Variants in NWD1 observed in about 807,000 individuals in gnomAD.
NWD1 encodes NACHT and WD repeat domain containing 1, also known as NACHT domain- and WD repeat-containing protein 1.
NWD1 carries 129 observed loss-of-function variants against 135.1 expected under a neutral mutation model. The observed-to-expected ratio is 0.96, with a 90% CI of 0.83 to 1.11. The LOEUF is 1.11. NWD1 is among the 50% of genes least tolerant of loss of function. The probability of loss-of-function intolerance (pLI) is 0.00; values close to 1 mark genes in which losing one functional copy is unlikely to be tolerated. For synonymous variants in NWD1, 773 were observed against 786.0 expected, an observed-to-expected ratio of 0.98 and a Z score of 0.28; for missense variants, 1,740 against 1,851.3, an observed-to-expected ratio of 0.94 and a Z score of 1.10.
chr19:16,795,578 C>T (rs925365146), intron 15 of NWD1, among the ~76,000 whole-genome samples: 9 of 151,758 alleles, frequency 5.9e-5, no homozygotes, highest in African/African-American at 1.5e-4. Context: ...TACCACGTCC[C>T]GCTAATTTTT....
chr19:16,780,222 C>A (rs1969808182), intron 12 of NWD1, among the ~76,000 whole-genome samples: 3 of 150,750 alleles, frequency 2.0e-5, no homozygotes, highest in Non-Finnish European at 4.4e-5. Flanking sequence ...GTGGTGCAAT[C>A]TCGGCTCACT....
chr19:16,787,327 G>C (rs899607911), intron 12 of NWD1, among the ~76,000 whole-genome samples: 3 of 152,064 alleles, frequency 2.0e-5, no homozygotes, highest in Non-Finnish European at 4.4e-5. Context: ...AATGATGAGA[G>C]AAATCCTATA....
At chr19:16,804,594 G>GTTTT (rs561345788) in intron 17 of NWD1, among the ~76,000 whole-genome samples, 61 of 146,252 alleles carry the variant, frequency 4.2e-4, no homozygotes, top group Middle Eastern at 3.5e-3. Context: ...CTGTCTCTCT[G>GTTTT]TTTTTTTTTT....
chr19:16,722,567 A>G (rs1967179566), intron 1 of NWD1, among the ~76,000 whole-genome samples: 1 of 151,640 alleles, frequency 6.6e-6, no homozygotes. Context: ...GGGATTACAG[A>G]TGTGAGCCAC....
intron 3 of NWD1, among the ~76,000 whole-genome samples, chr19:16,733,382 G>A (rs1967659844): frequency 6.6e-6 from 1 of 152,136 alleles, no homozygotes; most frequent in Non-Finnish European, 1.5e-5. Context: ...TTACCCAGAT[G>A]TGGTGACACG....
intron 4 of NWD1, among the ~76,000 whole-genome samples, chr19:16,743,511 G>A (rs750000811): frequency 3.3e-5 from 5 of 151,148 alleles, no homozygotes; most frequent in Non-Finnish European, 7.4e-5. Context: ...CCTAGCCTAG[G>A]GGACAATTCT....
chr19:16,812,797 A>ATG (rs1221199820), intron 18 of NWD1: 1 of 780,986 alleles, frequency 1.3e-6, no homozygotes, highest in East Asian at 2.4e-5. Context: ...GATGACAAGT[A>ATG]TGTGTACGTG....
At chr19:16,762,297 CT>C (rs71180331) in intron 8 of NWD1, among the ~76,000 whole-genome samples, 159 bp downstream of exon 8, 1,873 of 118,066 alleles carry the variant, frequency 0.016, 37 homozygotes, top group African/African-American at 0.058. Context: ...CCCCCCACTC[CT>C]TTTTTTTTTT....
At chr19:16,807,230 ACGCCT>A (rs1970774667) in intron 17 of NWD1, among the ~76,000 whole-genome samples, 1 of 151,554 alleles carries the variant, frequency 6.6e-6, no homozygotes, top group Non-Finnish European at 1.5e-5. Context: ...GTGGTGGCTC[ACGCCT>A]GTAATCCCAG....
At chr19:16,787,845 G>A (rs1449941223) in intron 12 of NWD1, among the ~76,000 whole-genome samples, 2 of 147,302 alleles carry the variant, frequency 1.4e-5, no homozygotes, top group Admixed American at 6.9e-5. Context: ...GGGTGACAGA[G>A]CAAGACTCCA....
chr19:16,802,708 G>C (rs1346087729), intron 17 of NWD1, among the ~76,000 whole-genome samples: 2 of 151,822 alleles, frequency 1.3e-5, no homozygotes, highest in African/African-American at 2.4e-5. Flanking sequence ...TGCTAATAAA[G>C]ACATACCTGA....
chr19:16,785,307 T>A (rs939085337), intron 12 of NWD1, among the ~76,000 whole-genome samples: 4 of 151,966 alleles, frequency 2.6e-5, no homozygotes, highest in African/African-American at 9.7e-5. Flanking sequence ...AGGTCAGAAG[T>A]TCGAGACCAG....
intron 6 of NWD1, among the ~76,000 whole-genome samples, chr19:16,754,166 C>T (rs1171039604): frequency 6.6e-6 from 1 of 151,576 alleles, no homozygotes; most frequent in Admixed American, 6.6e-5. Context: ...CTCTATCTTC[C>T]ATCCATCTAT....
At position 16,744,573 on chromosome 19, in the gene NWD1, C is replaced by T. The variant is rs1452328787; in HGVS notation, c.351C>T (p.Pro117=). The change falls in exon 5 of 19, where the codon CCC becomes CCT. Residue 117 remains proline (P), a synonymous_variant. Transcript: ENST00000524140. The part of the protein sequence containing the change: ...YFQRDENAFP[P]TYVLQAPGTG... The stretch of plus-strand genomic sequence containing the variant: ...AGAGGGACGAGAATGCGTTTCCTCC[C>T]ACCTACGTCCTGCAGGCACCAGGTA... The T allele has an allele frequency of 6.5e-7, 1 of 1,535,186 alleles. No individual in the cohort carries two copies. The highest frequency in any genetic ancestry group is 8.7e-7 in the Non-Finnish European group (1 of 1,146,378).
intron 18 of NWD1, among the ~76,000 whole-genome samples, chr19:16,810,171 C>T (rs1599567622): frequency 6.6e-6 from 1 of 152,154 alleles, no homozygotes; most frequent in African/African-American, 2.4e-5. Context: ...GGCACCATGG[C>T]TCACACCTGT....
chr19:16,780,471 A>C (rs537455144), intron 12 of NWD1, among the ~76,000 whole-genome samples: 5 of 152,070 alleles, frequency 3.3e-5, no homozygotes, highest in Non-Finnish European at 5.9e-5. Flanking sequence ...CAGGGTTTCA[A>C]GAAAACAAGT....
Position 16,807,579 on chromosome 19 carries a change from C to G in NWD1, c.3737-7C>G, listed in dbSNP as rs376901559. The G allele has an allele frequency of 4.2e-5, 64 of 1,517,166 alleles. No homozygotes were observed. The African/African-American group carries it at 8.5e-4, about 20-fold the overall frequency. The allele number at this position is 1,517,166 out of a possible 1,614,324, so 94.0% of individuals were successfully genotyped here. ...TGTAAGTCATTCTCATTTTTCTTCC[C>G]TGGCAGGCGAGGAACAAGATTCCCT... is the stretch of plus-strand genomic sequence containing the variant. On this transcript the variant is annotated splice_region_variant and splice_polypyrimidine_tract_variant and intron_variant, in intron 17 of 18. Transcript: ENST00000524140.
Position 16,744,419 on chromosome 19 carries a change from A to G in NWD1, c.199-2A>G. 6.5e-7 allele frequency: 1 copy of G among 1,535,338 alleles called. No individual in the cohort carries two copies. Among genetic ancestry groups the G allele is most frequent in the Non-Finnish European group, 8.7e-7 (1 of 1,146,330 alleles). ...TTGAATCTGTGACTTCCTCTCTGCC[A>G]GGCCCTCATCGGTGATCAGTACGGC... is the stretch of plus-strand genomic sequence containing the variant. On this transcript the variant is annotated splice_acceptor_variant, in intron 4 of 18. Coordinates refer to ENST00000524140, the MANE Select transcript of NWD1 (RefSeq NM_001007525.5). LOFTEE classifies it high-confidence loss of function.
Position 16,736,658 on chromosome 19 carries a change from C to T in NWD1, c.106C>T (p.Arg36Trp), listed in dbSNP as rs188048122. The T allele has an allele frequency of 1.0e-4, 157 of 1,535,400 alleles. No homozygotes were observed. In the East Asian group the frequency reaches 1.5e-3, roughly 15 times the overall value. Residue 36 changes from arginine to tryptophan, a missense_variant, in exon 4 of 19, where the codon CGG (arginine) becomes TGG (tryptophan). Transcript: ENST00000524140. The part of the protein sequence containing the change: ...FEVVDLRWGI[R>W]NIEATDHLTT... ...GGTCGTTGATCTGAGGTGGGGTATT[C>T]GGAACATTGAAGCCACTGACCACTT...
Sources: allele counts gnomAD v4.1 joint callset (sites outside exome capture counted in the v4.1 genomes callset), GRCh38; gene constraint gnomAD v4.1.1; transcripts MANE v1.5; gene names NCBI Gene and HGNC (gene_info 2026-07-23, HGNC 2026-07-21).